LMNB1: variants seen among roughly 807,000 people sequenced by gnomAD.
LMNB1 encodes lamin B1.
LMNB1 carries 23 observed loss-of-function variants against 67.1 expected under a neutral mutation model. The ratio of observed to expected loss-of-function variants is 0.34; its 90% confidence interval spans 0.25 to 0.49. LMNB1 has a LOEUF of 0.49. Ranked by LOEUF, LMNB1 falls within the 20% of genes least tolerant of loss-of-function variation. LMNB1 has a pLI of 0.99. For synonymous variants in LMNB1, 281 were observed against 282.9 expected (o/e 0.99, Z 0.07); for missense variants, 634 against 746.5 (o/e 0.85, Z 1.76).
chr5:126,798,466 C>CA (rs2112945282), intron 1 of LMNB1, among the ~76,000 whole-genome samples: 1 of 152,148 alleles, frequency 6.6e-6, no homozygotes, highest in African/African-American at 2.4e-5. Context: ...AACAAACAAA[C>CA]AAAAAAACTC....
intron 9 of LMNB1, 36 bp downstream of exon 9, chr5:126,826,143 T>C (rs763382583): frequency 6.3e-7 from 1 of 1,582,592 alleles, no homozygotes; most frequent in Non-Finnish European, 8.6e-7. Context: ...ACAATGTTAA[T>C]TTCACTTAAA....
rs142435138 is a variant in LMNB1, at chr5:126,828,129, G to A, written c.1611+2022G>A. Among the ~76,000 whole-genome samples, 580 of 152,306 alleles carry A rather than the reference G, an allele frequency of 3.8e-3. 8 individuals are homozygous for A. Among genetic ancestry groups the A allele is most frequent in the African/African-American group, 0.013 (557 of 41,560 alleles). ...TCATTATAAGAGTCTGAGGTGCCTGGATAAAAAGTTCTGTTCATGGCCATC... is the reference window on the plus strand; with the variant it reads ...TCATTATAAGAGTCTGAGGTGCCTGAATAAAAAGTTCTGTTCATGGCCATC... On this transcript the variant is annotated intron_variant, in intron 9 of 10. Transcript: ENST00000261366.
chr5:126,782,043 AAC>A (rs766887999), intron 1 of LMNB1, among the ~76,000 whole-genome samples: 2 of 152,180 alleles, frequency 1.3e-5, no homozygotes, highest in Non-Finnish European at 2.9e-5. Flanking sequence ...TTTTTGAGAG[AAC>A]AGTTTCCAAA....
intron 1 of LMNB1, among the ~76,000 whole-genome samples, chr5:126,798,621 C>G (rs984181415): frequency 6.6e-6 from 1 of 151,958 alleles, no homozygotes; most frequent in Non-Finnish European, 1.5e-5. Context: ...ATAGAAGCAT[C>G]AGTTATTATT....
At chr5:126,807,495 T>G (rs1358295210) in intron 3 of LMNB1, among the ~76,000 whole-genome samples, 2 of 152,242 alleles carry the variant, frequency 1.3e-5, no homozygotes, top group East Asian at 3.8e-4. Flanking sequence ...ATACTGCTAT[T>G]TTTTTCTTCA....
chr5:126,776,721 G>T (rs1011590427), upstream of LMNB1: 3 of 152,242 alleles, frequency 2.0e-5, no homozygotes, highest in African/African-American at 7.2e-5. Flanking sequence ...TCCCTGAACC[G>T]CCGAGTGTGG....
chr5:126,789,999 G>A (rs941411268), intron 1 of LMNB1, among the ~76,000 whole-genome samples: 1 of 151,408 alleles, frequency 6.6e-6, no homozygotes, highest in African/African-American at 2.4e-5. Context: ...ATAGAGATGA[G>A]GTTTCTTCAT....
chr5:126,836,493 G>A lies in LMNB1; in HGVS notation c.*229G>A. On this transcript the variant is annotated 3_prime_UTR_variant, in exon 11 of 11. Transcript: ENST00000261366. ...ATTATTGACACTGAACTTAATAACTGTGTACTGTTCGGAAGGGGTTCCTCA... is the reference window on the plus strand; with the variant it reads ...ATTATTGACACTGAACTTAATAACTATGTACTGTTCGGAAGGGGTTCCTCA... 4.8e-6 allele frequency: 2 copies of A among 415,574 alleles called. No individual in the cohort carries two copies. Among genetic ancestry groups the A allele is most frequent in the Non-Finnish European group, 8.5e-6 (2 of 235,536 alleles). The allele number at this position is 415,574 out of a possible 1,614,324, so 25.7% of individuals were successfully genotyped here.
intron 3 of LMNB1, among the ~76,000 whole-genome samples, chr5:126,808,218 CTG>C (rs1196637621): frequency 5.3e-5 from 8 of 151,670 alleles, no homozygotes; most frequent in Non-Finnish European, 8.8e-5. Flanking sequence ...GAGTCTCACT[CTG>C]TTGCCCAGGC....
chr5:126,813,412 C>T (rs1231116271), intron 5 of LMNB1, among the ~76,000 whole-genome samples: 1 of 152,164 alleles, frequency 6.6e-6, no homozygotes, highest in Non-Finnish European at 1.5e-5. Flanking sequence ...TTTCTCTACT[C>T]CTTCCCAGTT....
At chr5:126,822,017 T>TG (rs1416725149) in intron 7 of LMNB1, among the ~76,000 whole-genome samples, 1 of 151,566 alleles carries the variant, frequency 6.6e-6, no homozygotes, top group East Asian at 1.9e-4. Flanking sequence ...TGTAGCCTTT[T>TG]TTTTTTTTTT....
rs779310652 is a variant in LMNB1, at chr5:126,819,030, A to C, written c.1048A>C (p.Arg350=). 1.2e-6 allele frequency: 2 copies of C among 1,614,082 alleles called. No individual in the cohort carries two copies. The highest frequency in any genetic ancestry group is 8.5e-7 in the Non-Finnish European group (1 of 1,180,026). The change falls in exon 6 of 11, where the codon AGG becomes CGG. Residue 350 remains arginine (R), a synonymous_variant. Coordinates refer to ENST00000261366, the MANE Select transcript of LMNB1 (RefSeq NM_005573.4). The part of the protein sequence containing the change: ...TDKEREMAEI[R]DQMQQQLNDY... The stretch of plus-strand genomic sequence containing the variant: ...CAAAGAGAGAGAGATGGCGGAAATA[A>C]GGGATCAAATGCAGCAACAGCTGAA...
At chr5:126,817,833 C>T (rs572973605) in intron 5 of LMNB1, among the ~76,000 whole-genome samples, 12 of 152,234 alleles carry the variant, frequency 7.9e-5, no homozygotes, top group African/African-American at 2.9e-4. Flanking sequence ...GTTGCAGGTA[C>T]TTGTGATTCT....
chr5:126,781,598 G>T (rs1007789132), intron 1 of LMNB1, among the ~76,000 whole-genome samples: 1 of 151,844 alleles, frequency 6.6e-6, no homozygotes, highest in African/African-American at 2.4e-5. Context: ...CACCACACCC[G>T]GCTAATTTTG....
chr5:126,805,190 G>C (rs1220934454), intron 2 of LMNB1, among the ~76,000 whole-genome samples: 1 of 152,116 alleles, frequency 6.6e-6, no homozygotes, highest in Non-Finnish European at 1.5e-5. Flanking sequence ...CACTCATTCT[G>C]TCTCTGCTCT....
chr5:126,794,356 G>A lies in LMNB1; in HGVS notation c.360-10420G>A, dbSNP rs1209635888. Among the ~76,000 whole-genome samples, 3 of 152,218 alleles carry A rather than the reference G, an allele frequency of 2.0e-5. No homozygotes were observed. The South Asian group carries it at 6.2e-4, about 32-fold the overall frequency. The stretch of plus-strand genomic sequence containing the variant: ...TTAACATGAGGACAGTGTTGAAGCT[G>A]ATGAGTGGCTGTTGGAGCAAATGCA... On this transcript the variant is annotated intron_variant, in intron 1 of 10. Transcript: ENST00000261366.
At chr5:126,803,927 T>C (rs1398840635) in intron 1 of LMNB1, among the ~76,000 whole-genome samples, 1 of 152,222 alleles carries the variant, frequency 6.6e-6, no homozygotes, top group Non-Finnish European at 1.5e-5. Flanking sequence ...GGCCGTTATT[T>C]ATTGTTACCT....
At chr5:126,797,522 GCT>G (rs1008236069) in intron 1 of LMNB1, among the ~76,000 whole-genome samples, 12 of 152,270 alleles carry the variant, frequency 7.9e-5, no homozygotes, top group Middle Eastern at 3.4e-3. Flanking sequence ...TATCTAAATT[GCT>G]CTGTGTTTGG....
chr5:126,835,209 T>G (rs894834102), intron 10 of LMNB1, among the ~76,000 whole-genome samples: 1 of 152,136 alleles, frequency 6.6e-6, no homozygotes, highest in Non-Finnish European at 1.5e-5. Context: ...GCTTTTGTGA[T>G]CACAGAAACT....
Sources: allele counts gnomAD v4.1 joint callset (sites outside exome capture counted in the v4.1 genomes callset), GRCh38; gene constraint gnomAD v4.1.1; transcripts MANE v1.5; gene names NCBI Gene and HGNC (gene_info 2026-07-23, HGNC 2026-07-21).